NTN1: variants seen among roughly 807,000 people sequenced by gnomAD.
NTN1 encodes the protein netrin 1, also known as netrin-1.
NTN1 carries 11 observed loss-of-function variants against 54.2 expected under a neutral mutation model. The ratio of observed to expected loss-of-function variants is 0.20; its 90% CI spans 0.13 to 0.34. NTN1 has a LOEUF of 0.34. Among genes scored for constraint, NTN1 ranks in the 10% least tolerant of loss-of-function variants. The probability of loss-of-function intolerance (pLI) is 1.00; values close to 1 mark genes in which losing one functional copy is unlikely to be tolerated. For missense variants in NTN1, 740 were observed against 893.1 expected, an observed-to-expected ratio of 0.83 and a Z score of 2.18; for synonymous variants, 371 against 382.0, an observed-to-expected ratio of 0.97 and a Z score of 0.33.
At chr17:9,044,912 C>T (rs767132978) in intron 2 of NTN1, among the ~76,000 whole-genome samples, 5 of 152,124 alleles carry the variant, frequency 3.3e-5, no homozygotes, top group Non-Finnish European at 5.9e-5. Context: ...GAATTCAGAG[C>T]AGAGTACATT....
At chr17:9,097,351 G>A (rs529806451) in intron 2 of NTN1, among the ~76,000 whole-genome samples, 6 of 152,270 alleles carry the variant, frequency 3.9e-5, no homozygotes, top group East Asian at 1.9e-4. Context: ...TATTCTGGGC[G>A]CGGTGGCTCA....
At chr17:9,091,796 A>G (rs1248682491) in intron 2 of NTN1, among the ~76,000 whole-genome samples, 1 of 151,954 alleles carries the variant, frequency 6.6e-6, no homozygotes, top group Non-Finnish European at 1.5e-5. Flanking sequence ...CATGAAGTAC[A>G]TTCACCATCA....
At chr17:9,050,785 T>C (rs2091958078) in intron 2 of NTN1, among the ~76,000 whole-genome samples, 1 of 151,962 alleles carries the variant, frequency 6.6e-6, no homozygotes, top group African/African-American at 2.4e-5. Context: ...ACCATGTCTA[T>C]GTCCTAGGAT....
chr17:9,005,600 T>C, the NTN1 span, among the ~76,000 whole-genome samples: 1 of 152,184 alleles, frequency 6.6e-6, no homozygotes, highest in Non-Finnish European at 1.5e-5. Flanking sequence ...CAAATCAGGT[T>C]CTTTACCTAG....
intron 6 of NTN1, among the ~76,000 whole-genome samples, chr17:9,237,566 C>T (rs1236314099): frequency 1.3e-5 from 2 of 152,160 alleles, no homozygotes; most frequent in African/African-American, 2.4e-5. Flanking sequence ...GGAGCCCCAG[C>T]CCAGGGTGCC....
intron 2 of NTN1, among the ~76,000 whole-genome samples, chr17:9,113,111 C>A (rs1454204685): frequency 1.3e-5 from 2 of 150,996 alleles, no homozygotes; most frequent in Non-Finnish European, 2.9e-5. Context: ...GCAACCTCTG[C>A]CTCTCAGGTT....
chr17:9,065,162 C>A (rs2092011101), intron 2 of NTN1, among the ~76,000 whole-genome samples: 1 of 152,176 alleles, frequency 6.6e-6, no homozygotes. Flanking sequence ...GTCTCGAACT[C>A]CTGACCTCAG....
intron 6 of NTN1, among the ~76,000 whole-genome samples, chr17:9,234,407 G>A (rs1000154816): frequency 3.9e-5 from 6 of 152,178 alleles, no homozygotes. Context: ...AGGAGACAAA[G>A]CTCAGCCAGG....
chr17:9,145,038 C>T (rs1018598485), intron 2 of NTN1, among the ~76,000 whole-genome samples: 4 of 152,192 alleles, frequency 2.6e-5, no homozygotes, highest in African/African-American at 4.8e-5. Flanking sequence ...GAGGACAGTG[C>T]GCCACCCCCC....
At chr17:9,111,400 G>A (rs1253116717) in intron 2 of NTN1, among the ~76,000 whole-genome samples, 4 of 152,288 alleles carry the variant, frequency 2.6e-5, no homozygotes, top group African/African-American at 9.6e-5. Context: ...AGAATAGCTA[G>A]CCTAAAAGTG....
intron 2 of NTN1, among the ~76,000 whole-genome samples, chr17:9,099,219 C>T (rs897732568): frequency 1.3e-5 from 2 of 152,216 alleles, no homozygotes; most frequent in African/African-American, 4.8e-5. Flanking sequence ...GCCTGACCAA[C>T]ATGTTGAAAC....
At chr17:9,060,192 TCTC>T (rs2091992433) in intron 2 of NTN1, among the ~76,000 whole-genome samples, 2 of 150,680 alleles carry the variant, frequency 1.3e-5, no homozygotes, top group South Asian at 4.3e-4. Context: ...CCACCCCTCC[TCTC>T]CTCCTCAGCC....
chr17:9,009,633 G>A, the NTN1 span, among the ~76,000 whole-genome samples: 1 of 152,108 alleles, frequency 6.6e-6, no homozygotes, highest in East Asian at 1.9e-4. Flanking sequence ...ATATAAACCA[G>A]CAATACCTCA....
Position 9,212,112 on chromosome 17 carries a change from GGGTCAGCGAGACTA to G in NTN1, c.1412-9054_1412-9041del, listed in dbSNP as rs1429861632. Reference sequence around the variant, plus strand: ...AGGTAGGGCTTGAGGGTGATGGATTGGGTCAGCGAGACTAGTACAGGCTTAGAGAGATGGGTGGG... The same window carrying G: ...AGGTAGGGCTTGAGGGTGATGGATTGGTACAGGCTTAGAGAGATGGGTGGG... On this transcript the variant is annotated intron_variant, in intron 5 of 6. Transcript: ENST00000173229. This position sits in a 1 kb window ranked among gnomAD's most constrained non-coding sequence, Gnocchi z 5.5. Among the ~76,000 whole-genome samples, 1 of 152,206 alleles carries G rather than the reference GGGTCAGCGAGACTA, an allele frequency of 6.6e-6. No homozygotes were observed. Among genetic ancestry groups the G allele is most frequent in the Non-Finnish European group, 1.5e-5 (1 of 68,034 alleles).
chr17:9,072,954 T>C (rs990879634), intron 2 of NTN1, among the ~76,000 whole-genome samples: 1 of 152,230 alleles, frequency 6.6e-6, no homozygotes, highest in South Asian at 2.1e-4. Context: ...CCCACCCTCC[T>C]GTAGCAGGGA....
chr17:9,127,402 G>T (rs1454407383), intron 2 of NTN1, among the ~76,000 whole-genome samples: 76 of 152,146 alleles, frequency 5.0e-4, no homozygotes, highest in Non-Finnish European at 3.2e-4. Context: ...CTTCTCAAGG[G>T]TTTGTGTGAC....
chr17:9,243,120 G>A lies in NTN1; in HGVS notation c.*3152G>A, dbSNP rs1276596090. 6.6e-6 allele frequency: 1 copy of A among 152,202 alleles called. No homozygotes were observed. The highest frequency in any genetic ancestry group is 1.5e-5 in the Non-Finnish European group (1 of 68,050). The allele number at this position is 152,202 out of a possible 1,614,324, so 9.4% of individuals were successfully genotyped here. A position where few individuals can be genotyped will look rare whatever the true frequency, so the allele number is the denominator to read the frequency against. ...TGCTTTACGGACACGCAGTAATGCC[G>A]AAGATTTGCGGGGGAGGACATAGGG... On this transcript the variant is annotated 3_prime_UTR_variant, in exon 7 of 7. Coordinates refer to ENST00000173229, the MANE Select transcript of NTN1 (RefSeq NM_004822.3).
chr17:9,136,208 A>G (rs1237287422), intron 2 of NTN1, among the ~76,000 whole-genome samples: 3 of 152,238 alleles, frequency 2.0e-5, no homozygotes, highest in Non-Finnish European at 4.4e-5. Flanking sequence ...TTACAAAACC[A>G]AACCAAACGG....
intron 2 of NTN1, among the ~76,000 whole-genome samples, chr17:9,037,912 C>T (rs796190145): frequency 1.3e-5 from 2 of 152,178 alleles, no homozygotes; most frequent in African/African-American, 4.8e-5. Context: ...ACACCCAGAA[C>T]ACTTACAACG....
Sources: allele counts gnomAD v4.1 joint callset (sites outside exome capture counted in the v4.1 genomes callset), GRCh38; gene constraint gnomAD v4.1.1; non-coding constraint Gnocchi (gnomAD v3.1); transcripts MANE v1.5; gene names NCBI Gene and HGNC (gene_info 2026-07-23, HGNC 2026-07-21).